The following RNF169 variants were observed in gnomAD, a reference collection of about 807,000 sequenced individuals.
RNF169 encodes ring finger protein 169.
Under a neutral mutation model 53.9 loss-of-function variants are expected in RNF169, and 24 were observed. The observed-to-expected ratio is 0.45, with a 90% CI of 0.32 to 0.63. RNF169 has a LOEUF of 0.63. Among genes scored for constraint, RNF169 ranks in the 20% least tolerant of loss-of-function variants. RNF169 has a pLI of 0.04. For synonymous variants in RNF169, 396 were observed against 363.5 expected (o/e 1.09, Z -1.02); for missense variants, 883 against 906.2 (o/e 0.97, Z 0.33).
intron 4 of RNF169, among the ~76,000 whole-genome samples, chr11:74,834,080 A>G (rs1249120987): frequency 6.6e-6 from 1 of 152,248 alleles, no homozygotes; most frequent in Non-Finnish European, 1.5e-5. Context: ...GAATCCAAGT[A>G]CTGTGGAGTT....
chr11:74,754,905 C>T (rs1432178174), intron 1 of RNF169, among the ~76,000 whole-genome samples: 1 of 152,200 alleles, frequency 6.6e-6, no homozygotes, highest in African/African-American at 2.4e-5. Flanking sequence ...ATCTCAACTT[C>T]CCTGTTCACT....
chr11:74,817,054 G>A (rs2035950068), intron 3 of RNF169, among the ~76,000 whole-genome samples: 1 of 152,192 alleles, frequency 6.6e-6, no homozygotes, highest in African/African-American at 2.4e-5. Flanking sequence ...ATATAAATGG[G>A]AAGAGTTAGA....
intron 3 of RNF169, among the ~76,000 whole-genome samples, chr11:74,817,162 T>G (rs528252599): frequency 6.6e-6 from 1 of 152,318 alleles, no homozygotes; most frequent in East Asian, 1.9e-4. Context: ...GTTTTATCCA[T>G]GTATTAACCC....
intron 1 of RNF169, among the ~76,000 whole-genome samples, chr11:74,768,482 C>G (rs1360686275): frequency 6.6e-6 from 1 of 152,124 alleles, no homozygotes; most frequent in Non-Finnish European, 1.5e-5. Flanking sequence ...TGGCGCATGC[C>G]TGTAGTCCCA....
rs2036262790 is a variant in RNF169, at chr11:74,836,692, T to C, written c.2089T>C (p.Tyr697His). 1.9e-6 allele frequency: 3 copies of C among 1,612,634 alleles called. No homozygotes were observed. The South Asian group carries it at 3.3e-5, about 18-fold the overall frequency. ...CCGGCGAAAAGGAAGTGTGGATCAG[T>C]ATCTCCTACGGTCCAGCAACATGGC... ...VSRRKGSVDQ[Y>H]LLRSSNMAGA... The change falls in exon 6 of 6, where the codon TAT becomes CAT. Residue 697 changes from tyrosine to histidine, a missense_variant. This residue lies in a region of RNF169 where 351 missense variants were observed against 337.3 expected (regional missense o/e 1.04). Coordinates refer to ENST00000299563, the MANE Select transcript of RNF169 (RefSeq NM_001098638.2).
In RNF169 at chr11:74,838,576, T is replaced by G. The variant is rs1396104779; in HGVS notation, c.*1846T>G. ...GGAATCTCTTTGGTGACTACGTTGG[T>G]GGGGAACATCACTCACCTGAATGTA... On this transcript the variant is annotated 3_prime_UTR_variant, in exon 6 of 6. Transcript: ENST00000299563. The G allele has an allele frequency of 6.6e-6, 1 of 152,210 alleles. No individual in the cohort carries two copies. The highest frequency in any genetic ancestry group is 6.5e-5 in the Admixed American group (1 of 15,286). 9.4% of individuals were successfully genotyped at this position (152,210 alleles called of 1,614,324 possible).
intron 1 of RNF169, among the ~76,000 whole-genome samples, chr11:74,760,565 T>C (rs1244726130): frequency 1.3e-5 from 2 of 152,012 alleles, no homozygotes; most frequent in Non-Finnish European, 2.9e-5. Context: ...CATTTCGTTA[T>C]GTACCCAGTA....
chr11:74,781,676 A>G (rs868712539), intron 1 of RNF169, among the ~76,000 whole-genome samples: 22 of 152,296 alleles, frequency 1.4e-4, no homozygotes, highest in Middle Eastern at 6.8e-3. Context: ...TTATTTTTCT[A>G]TACTATGAAC....
intron 3 of RNF169, among the ~76,000 whole-genome samples, chr11:74,811,116 A>G (rs1159009988): frequency 6.6e-6 from 1 of 152,182 alleles, no homozygotes; most frequent in Non-Finnish European, 1.5e-5. Context: ...ATGACAGGCA[A>G]GATAGCAGAG....
Position 74,836,802 on chromosome 11 carries a change from C to A in RNF169, c.*72C>A. The A allele has an allele frequency of 8.2e-7, 1 of 1,219,960 alleles. No individual in the cohort carries two copies. The highest frequency in any genetic ancestry group is 1.5e-5 in the South Asian group (1 of 68,206). 75.6% of individuals were successfully genotyped at this position (1,219,960 alleles called of 1,614,324 possible). On this transcript the variant is annotated 3_prime_UTR_variant, in exon 6 of 6. Coordinates refer to ENST00000299563, the MANE Select transcript of RNF169 (RefSeq NM_001098638.2). ...CATTTATCCTGAAGAGCTGAGTGTT[C>A]TCACTTTGGTTTTATTTTAATGGCA...
intron 2 of RNF169, among the ~76,000 whole-genome samples, chr11:74,805,500 CATATT>C (rs905196764): frequency 4.1e-4 from 62 of 152,160 alleles, no homozygotes; most frequent in African/African-American, 1.5e-3. Flanking sequence ...CCATATGTGT[CATATT>C]ATATGTAGTC....
intron 1 of RNF169, among the ~76,000 whole-genome samples, chr11:74,773,967 C>A (rs2035294104): frequency 6.6e-6 from 1 of 152,150 alleles, no homozygotes; most frequent in African/African-American, 2.4e-5. Flanking sequence ...GGAGCACATA[C>A]CACATATTTG....
At chr11:74,752,322 C>T (rs534431422) in intron 1 of RNF169, among the ~76,000 whole-genome samples, 1 of 150,670 alleles carries the variant, frequency 6.6e-6, no homozygotes, top group African/African-American at 2.4e-5. Context: ...TTGGGCTGGG[C>T]ATGGTGGCTC....
chr11:74,803,122 T>G, intron 2 of RNF169, among the ~76,000 whole-genome samples: 1 of 143,496 alleles, frequency 7.0e-6, no homozygotes, highest in Non-Finnish European at 1.5e-5. Flanking sequence ...GAGTCTTGCT[T>G]TGTCACCCAG....
At chr11:74,795,687 C>T in intron 2 of RNF169, among the ~76,000 whole-genome samples, 1 of 151,888 alleles carries the variant, frequency 6.6e-6, no homozygotes. Context: ...ATAGTGAGAC[C>T]CTATCTCTAC....
At chr11:74,826,824 T>G (rs2036104885) in intron 4 of RNF169, among the ~76,000 whole-genome samples, 1 of 152,246 alleles carries the variant, frequency 6.6e-6, no homozygotes, top group African/African-American at 2.4e-5. Flanking sequence ...CAGGTCACAC[T>G]GGTGCAAGAG....
At chr11:74,788,073 G>A (rs1472145047) in intron 1 of RNF169, among the ~76,000 whole-genome samples, 1 of 152,038 alleles carries the variant, frequency 6.6e-6, no homozygotes, top group Non-Finnish European at 1.5e-5. Flanking sequence ...AATTTAATCA[G>A]AAAAGGAATT....
At chr11:74,811,307 T>A (rs1389718326) in intron 3 of RNF169, among the ~76,000 whole-genome samples, 1 of 152,162 alleles carries the variant, frequency 6.6e-6, no homozygotes, top group Non-Finnish European at 1.5e-5. Flanking sequence ...AGGGGTGTGA[T>A]CATGGTTCAC....
intron 1 of RNF169, among the ~76,000 whole-genome samples, chr11:74,776,759 A>C (rs2035342055): frequency 6.6e-6 from 1 of 152,338 alleles, no homozygotes. Flanking sequence ...TTGAAGTATG[A>C]ATAGCAAATC....
Sources: gnomAD v4.1 joint callset for allele counts (sites outside exome capture counted in the v4.1 genomes callset) on GRCh38, gnomAD v4.1.1 for gene constraint, gnomAD v4.1.1 regional missense constraint, MANE v1.5 for transcripts, NCBI Gene and HGNC (gene_info 2026-07-23, HGNC 2026-07-21) for gene names.